The following NFATC3 variants were observed in gnomAD, a reference collection of about 807,000 sequenced individuals.
NFATC3 encodes nuclear factor of activated T-cells, cytoplasmic 3.
In NFATC3, 46 loss-of-function variants were observed where a neutral mutation model predicts 98.6. The observed-to-expected ratio is 0.47, with a 90% CI of 0.37 to 0.60. The LOEUF (loss-of-function observed/expected upper bound fraction) is 0.60. NFATC3 is among the 20% of genes least tolerant of loss of function. The pLI, the probability that NFATC3 is intolerant of heterozygous loss-of-function variation, is 0.00. For synonymous variants in NFATC3, 512 were observed against 472.2 expected (o/e 1.08, Z -1.09); for missense variants, 1,256 against 1,295.5 (o/e 0.97, Z 0.47).
chr16:68,147,321 C>T (rs958766052), intron 3 of NFATC3, among the ~76,000 whole-genome samples: 5 of 152,190 alleles, frequency 3.3e-5, no homozygotes, highest in African/African-American at 4.8e-5. Context: ...CTCATTTTGA[C>T]GAGCTACTTT....
chr16:68,091,578 A>G (rs1265262461), intron 1 of NFATC3, among the ~76,000 whole-genome samples: 2 of 152,326 alleles, frequency 1.3e-5, no homozygotes, highest in Non-Finnish European at 2.9e-5. Flanking sequence ...CCCTCTCATT[A>G]TTGCTAGTTG....
At chr16:68,175,860 T>C (rs1306276956) in intron 6 of NFATC3, among the ~76,000 whole-genome samples, 2 of 152,186 alleles carry the variant, frequency 1.3e-5, no homozygotes, top group African/African-American at 4.8e-5. Context: ...AAAGACTGTT[T>C]TTATAAGAAT....
In NFATC3 at chr16:68,158,034, A is replaced by G; in HGVS notation, c.1567A>G (p.Ile523Val). 6.2e-7 allele frequency: 1 copy of G among 1,613,204 alleles called. No individual in the cohort carries two copies. ...AATTGCCAGTACAAAAGTTCTGGAAATTCCACTTCTTCCTGAAAATAATAT... is the reference window on the plus strand; with the variant it reads ...AATTGCCAGTACAAAAGTTCTGGAAGTTCCACTTCTTCCTGAAAATAATAT... ...IIIASTKVLE[I>V]PLLPENNMSA... The change falls in exon 4 of 10, where the codon ATT becomes GTT. Residue 523 changes from isoleucine to valine, a missense_variant. Ile to Val is a conservative substitution (Grantham distance 29). Coordinates refer to ENST00000346183, the MANE Select transcript of NFATC3 (RefSeq NM_173165.3).
Position 68,188,347 on chromosome 16 carries a change from C to A in NFATC3, c.2099-2421C>A, listed in dbSNP as rs571392958. ...CTTCCTGCTACCGCCCCTCTCCCCC[C>A]GCCAAGAGCGCAGGGATGCCCGGGT... On this transcript the variant is annotated intron_variant, in intron 8 of 9. Coordinates refer to ENST00000346183, the MANE Select transcript of NFATC3 (RefSeq NM_173165.3). Among the ~76,000 whole-genome samples, 4 of 152,288 alleles carry A rather than the reference C, an allele frequency of 2.6e-5. No homozygotes were observed. In the East Asian group the frequency reaches 5.8e-4, roughly 22 times the overall value.
intron 6 of NFATC3, among the ~76,000 whole-genome samples, chr16:68,175,379 C>T (rs2039643348): frequency 6.6e-6 from 1 of 152,122 alleles, no homozygotes; most frequent in African/African-American, 2.4e-5. Context: ...TATCCCCCAA[C>T]CCTCTGAGTA....
intron 9 of NFATC3, among the ~76,000 whole-genome samples, chr16:68,195,018 T>G (rs2040601241): frequency 6.6e-6 from 1 of 151,670 alleles, no homozygotes; most frequent in Non-Finnish European, 1.5e-5. Context: ...TTTGGGAGGC[T>G]GAGGTGGGTG....
intron 2 of NFATC3, among the ~76,000 whole-genome samples, chr16:68,123,564 G>A (rs2036663406): frequency 6.6e-6 from 1 of 151,722 alleles, no homozygotes; most frequent in African/African-American, 2.4e-5. Flanking sequence ...TGCTTGGGAG[G>A]CTGAGGTGGA....
chr16:68,160,408 T>C (rs1035247820), intron 4 of NFATC3, among the ~76,000 whole-genome samples: 1 of 152,092 alleles, frequency 6.6e-6, no homozygotes, highest in African/African-American at 2.4e-5. Context: ...GAGGTTGTAG[T>C]GACCCCAGAT....
intron 1 of NFATC3, 69 bp downstream of exon 1, chr16:68,085,853 CCT>C (rs1209566409): frequency 8.2e-7 from 1 of 1,214,142 alleles, no homozygotes; most frequent in Non-Finnish European, 1.1e-6. Flanking sequence ...TCGCTCCCTC[CCT>C]GTTCCCTTGG....
chr16:68,187,472 G>A (rs201430877), intron 8 of NFATC3, among the ~76,000 whole-genome samples: 2 of 152,196 alleles, frequency 1.3e-5, no homozygotes, highest in Non-Finnish European at 2.9e-5. Flanking sequence ...CAAATGGAGG[G>A]TGAGCGGGAT....
At chr16:68,181,164 CTGT>C (rs1424173966) in intron 6 of NFATC3, among the ~76,000 whole-genome samples, 4 of 152,148 alleles carry the variant, frequency 2.6e-5, no homozygotes, top group Non-Finnish European at 5.9e-5. Context: ...TCTCCAGCAC[CTGT>C]TGTTTCCTGA....
chr16:68,147,755 G>GAAAAAAA (rs1191298518), intron 3 of NFATC3, among the ~76,000 whole-genome samples: 1 of 87,760 alleles, frequency 1.1e-5, no homozygotes. Context: ...TCTGTGAACT[G>GAAAAAAA]AAAAAAAAAA....
intron 1 of NFATC3, among the ~76,000 whole-genome samples, chr16:68,103,024 C>T (rs1428631141): frequency 6.6e-6 from 1 of 152,058 alleles, no homozygotes; most frequent in African/African-American, 2.4e-5. Flanking sequence ...AATGCCTATT[C>T]ATGTGCTTTG....
chr16:68,155,770 T>C (rs1567524072), intron 3 of NFATC3, among the ~76,000 whole-genome samples: 3 of 152,224 alleles, frequency 2.0e-5, no homozygotes. Flanking sequence ...CTTGAGTCTC[T>C]AGACTTTTTT....
At chr16:68,085,830 C>G in intron 1 of NFATC3, 46 bp downstream of exon 1, 1 of 1,322,270 alleles carries the variant, frequency 7.6e-7, no homozygotes, top group Non-Finnish European at 9.8e-7. Context: ...CCGCTTCTCG[C>G]TCGCAGGATC....
intron 5 of NFATC3, among the ~76,000 whole-genome samples, chr16:68,172,190 C>A (rs2039499789): frequency 6.6e-6 from 1 of 152,146 alleles, no homozygotes; most frequent in African/African-American, 2.4e-5. Context: ...ATCGGGCTGG[C>A]GTCCCAATTT....
chr16:68,209,982 A>G (rs1046928683), intron 9 of NFATC3, among the ~76,000 whole-genome samples: 17 of 82,236 alleles, frequency 2.1e-4, no homozygotes, highest in Non-Finnish European at 3.5e-4. Flanking sequence ...CCTGGGCAAC[A>G]TGAAATCCCA....
intron 1 of NFATC3, among the ~76,000 whole-genome samples, chr16:68,095,554 A>G (rs980569735): frequency 6.6e-6 from 1 of 151,986 alleles, no homozygotes; most frequent in Admixed American, 6.6e-5. Flanking sequence ...GGGTTTCACC[A>G]TGTTGGACAC....
chr16:68,178,991 A>G (rs563086980), intron 6 of NFATC3, among the ~76,000 whole-genome samples: 1 of 152,098 alleles, frequency 6.6e-6, no homozygotes, highest in East Asian at 1.9e-4. Flanking sequence ...AGTCTTTCCA[A>G]CCCTCTTTCT....
Sources: gnomAD v4.1 joint callset for allele counts (sites outside exome capture counted in the v4.1 genomes callset) on GRCh38, gnomAD v4.1.1 for gene constraint, MANE v1.5 for transcripts, NCBI Gene and HGNC (gene_info 2026-07-23, HGNC 2026-07-21) for gene names.